Variants in BMP6 observed in about 807,000 individuals in gnomAD.
The protein encoded by BMP6 is VG-1-R.
BMP6 carries 17 observed loss-of-function variants against 54.1 expected under a neutral mutation model. That is an observed-to-expected ratio of 0.31 (90% confidence interval 0.22 to 0.47). The LOEUF (loss-of-function observed/expected upper bound fraction) is 0.47. BMP6 is among the 20% of genes least tolerant of loss of function. The pLI, the probability that BMP6 is intolerant of heterozygous loss-of-function variation, is 1.00. For missense variants in BMP6, 720 were observed against 690.4 expected (o/e 1.04, Z -0.48); for synonymous variants, 328 against 291.2 (o/e 1.13, Z -1.28).
intron 4 of BMP6, among the ~76,000 whole-genome samples, chr6:7,877,613 ACT>A (rs1010217537): frequency 6.6e-6 from 1 of 151,614 alleles, no homozygotes; most frequent in African/African-American, 2.4e-5. Context: ...ACAGAGCAAG[ACT>A]CTGTCTCAAA....
rs58889692 is a variant in BMP6 at position 7,794,604 on chromosome 6, GAAAAAAA to G, written c.665-50525_665-50519del. Among the ~76,000 whole-genome samples the G allele has an allele frequency of 1.2e-3, 143 of 119,224 alleles. 1 individual carries two copies. The highest frequency in any genetic ancestry group is 3.9e-3 in the African/African-American group (129 of 33,244). The allele number at this position is 119,224 out of a possible 152,430, so 78.2% of individuals were successfully genotyped here. A position where few individuals can be genotyped will look rare whatever the true frequency, so the allele number is the denominator to read the frequency against. ...GACAGAATGAAACCCTGTCCCAAAAGAAAAAAAAAAAAAAAAAGGAGAAGAAGAATGT... is the reference window on the plus strand; with the variant it reads ...GACAGAATGAAACCCTGTCCCAAAAGAAAAAAAAAAGGAGAAGAAGAATGT... On this transcript the variant is annotated intron_variant, in intron 1 of 6. Coordinates refer to ENST00000283147, the MANE Select transcript of BMP6 (RefSeq NM_001718.6).
chr6:7,828,064 G>A (rs1312454032), intron 1 of BMP6, among the ~76,000 whole-genome samples: 1 of 152,152 alleles, frequency 6.6e-6, no homozygotes, highest in Non-Finnish European at 1.5e-5. Flanking sequence ...TTCTGTTTTT[G>A]TTTTGTTTTG....
At chr6:7,784,450 C>T (rs1757993823) in intron 1 of BMP6, among the ~76,000 whole-genome samples, 1 of 151,456 alleles carries the variant, frequency 6.6e-6, no homozygotes, top group Non-Finnish European at 1.5e-5. Context: ...TGTGTGTAGG[C>T]ATCTGAGTGT....
chr6:7,768,537 C>T (rs1581239395), intron 1 of BMP6, among the ~76,000 whole-genome samples: 1 of 152,300 alleles, frequency 6.6e-6, no homozygotes, highest in East Asian at 1.9e-4. Flanking sequence ...GTATTTGCCA[C>T]CTGCTTCTGA....
chr6:7,834,185 CTTTT>C (rs34020369), intron 1 of BMP6, among the ~76,000 whole-genome samples: 5 of 107,594 alleles, frequency 4.6e-5, no homozygotes, highest in South Asian at 3.4e-4. Context: ...AGAACAAATG[CTTTT>C]TTTTTTTTTT....
At chr6:7,791,796 C>A (rs1243068809) in intron 1 of BMP6, among the ~76,000 whole-genome samples, 2 of 152,176 alleles carry the variant, frequency 1.3e-5, no homozygotes, top group Non-Finnish European at 2.9e-5. Context: ...TTCCTTCCTA[C>A]CTGTTGTCTT....
chr6:7,740,754 A>G lies in BMP6; in HGVS notation c.664+13135A>G, dbSNP rs143038907. ...CTTCAATCTTTGCCCTCTCGCCCACATCAAGTCAGTTGCCAGGCTTAGTGA... is the reference window on the plus strand; with the variant it reads ...CTTCAATCTTTGCCCTCTCGCCCACGTCAAGTCAGTTGCCAGGCTTAGTGA... On this transcript the variant is annotated intron_variant, in intron 1 of 6. Coordinates refer to ENST00000283147, the MANE Select transcript of BMP6 (RefSeq NM_001718.6). Among the ~76,000 whole-genome samples the G allele has an allele frequency of 3.0e-4, 45 of 152,274 alleles. No homozygotes were observed. The East Asian group carries it at 5.6e-3, about 19-fold the overall frequency.
At chr6:7,775,318 A>G (rs1341172591) in intron 1 of BMP6, among the ~76,000 whole-genome samples, 1 of 152,168 alleles carries the variant, frequency 6.6e-6, no homozygotes, top group African/African-American at 2.4e-5. Flanking sequence ...CCTTTGCTCC[A>G]AGGATGATGA....
At position 7,727,225 on chromosome 6, in the gene BMP6, G is replaced by A. The variant is rs1195232990; in HGVS notation, c.270G>A (p.Pro90=). 1 of 1,605,674 alleles carries A rather than the reference G, an allele frequency of 6.2e-7. No individual in the cohort carries two copies. Among genetic ancestry groups the A allele is most frequent in the Non-Finnish European group, 8.5e-7 (1 of 1,176,874 alleles). Residue 90 remains proline (P), a synonymous_variant, in exon 1 of 7, where the codon CCG becomes CCA. Transcript: ENST00000283147. ...QKEILSVLGL[P]HRPRPLHGLQ... Reference sequence around the variant, plus strand: ...AGATCTTGTCGGTGCTGGGGCTCCCGCACCGGCCCCGGCCCCTGCACGGCC... The same window carrying A: ...AGATCTTGTCGGTGCTGGGGCTCCCACACCGGCCCCGGCCCCTGCACGGCC...
intron 1 of BMP6, among the ~76,000 whole-genome samples, chr6:7,786,159 C>T (rs1254552894): frequency 6.6e-6 from 1 of 152,156 alleles, no homozygotes; most frequent in Non-Finnish European, 1.5e-5. Flanking sequence ...GAAGTTTTCT[C>T]TGGATTTTTT....
chr6:7,740,657 G>A (rs1395575894), intron 1 of BMP6, among the ~76,000 whole-genome samples: 1 of 152,074 alleles, frequency 6.6e-6, no homozygotes, highest in Non-Finnish European at 1.5e-5. Context: ...GGGGGATTTG[G>A]GTGTGGGAAT....
chr6:7,795,533 C>T (rs141159383), intron 1 of BMP6, among the ~76,000 whole-genome samples: 1 of 152,290 alleles, frequency 6.6e-6, no homozygotes, highest in Non-Finnish European at 1.5e-5. Context: ...GTCATGAAGC[C>T]ACTTAGATTC....
At chr6:7,754,175 T>C (rs948611943) in intron 1 of BMP6, among the ~76,000 whole-genome samples, 2 of 152,180 alleles carry the variant, frequency 1.3e-5, no homozygotes, top group African/African-American at 4.8e-5. Context: ...TGCAGTGCAG[T>C]GGTGCAATCA....
chr6:7,879,961 CT>C (rs1283753419), intron 5 of BMP6, 29 bp from the exon 6 acceptor site: 2 of 1,597,666 alleles, frequency 1.3e-6, no homozygotes, highest in Non-Finnish European at 1.7e-6. Flanking sequence ...GCATGCTCAT[CT>C]TTTGTTGCTT....
chr6:7,879,005 T>C, intron 4 of BMP6, 69 bp from the exon 5 acceptor site: 2 of 1,484,300 alleles, frequency 1.3e-6, no homozygotes, highest in Non-Finnish European at 1.9e-6. Flanking sequence ...TGGTAAACTC[T>C]CTATGAAGGA....
intron 1 of BMP6, among the ~76,000 whole-genome samples, chr6:7,805,612 G>A (rs1758335879): frequency 1.3e-5 from 2 of 152,208 alleles, no homozygotes; most frequent in South Asian, 4.1e-4. Flanking sequence ...GAGTTTCATA[G>A]AGGTTTCAGA....
chr6:7,845,797 T>C (rs1279797770), intron 2 of BMP6, among the ~76,000 whole-genome samples: 1 of 152,210 alleles, frequency 6.6e-6, no homozygotes, highest in Non-Finnish European at 1.5e-5. Context: ...TGATGTATTT[T>C]TTTTTTTTAT....
chr6:7,870,622 T>A (rs1375889029), intron 4 of BMP6, among the ~76,000 whole-genome samples: 2 of 151,710 alleles, frequency 1.3e-5, no homozygotes, highest in Non-Finnish European at 2.9e-5. Context: ...GATCTTTTTT[T>A]TAAAAAACAA....
intron 1 of BMP6, among the ~76,000 whole-genome samples, chr6:7,771,493 C>T (rs1452273067): frequency 6.6e-6 from 1 of 152,178 alleles, no homozygotes; most frequent in African/African-American, 2.4e-5. Flanking sequence ...CTGTCATTAT[C>T]CCCACTTTGC....
Sources: allele counts gnomAD v4.1 joint callset (sites outside exome capture counted in the v4.1 genomes callset), GRCh38; gene constraint gnomAD v4.1.1; transcripts MANE v1.5; gene names NCBI Gene and HGNC (gene_info 2026-07-23, HGNC 2026-07-21).